The following IQCH variants were observed in gnomAD, a reference collection of about 807,000 sequenced individuals.
IQCH encodes the protein IQ motif containing H, also known as IQ domain-containing protein H.
In IQCH, 98 loss-of-function variants were observed where a neutral mutation model predicts 117.0. The ratio of observed to expected loss-of-function variants is 0.84; its 90% CI spans 0.71 to 0.99. IQCH has a LOEUF of 0.99. Ranked by LOEUF, IQCH falls within the 50% of genes least tolerant of loss-of-function variation. The pLI is 0.00. For missense variants in IQCH, 1,102 were observed against 1,243.8 expected, an observed-to-expected ratio of 0.89 and a Z score of 1.72; for synonymous variants, 412 against 448.2, an observed-to-expected ratio of 0.92 and a Z score of 1.02.
rs1016371430 is a variant in IQCH, at chr15:67,445,341, TATAA to T, written c.2506-19775_2506-19772del. 6.6e-6 allele frequency among the ~76,000 whole-genome samples: 1 copy of T among 152,230 alleles called. No homozygotes were observed. The highest frequency in any genetic ancestry group is 2.4e-5 in the African/African-American group (1 of 41,462). ...TGTGTCCCCTATTGTTCTGAGCCCT[TATAA>T]ATAAATAAATGAAATTGCTTCTTTT... On this transcript the variant is annotated intron_variant, in intron 16 of 20. Coordinates refer to ENST00000335894, the MANE Select transcript of IQCH (RefSeq NM_001031715.3). The surrounding 1 kb of genome is among the most constrained non-coding windows in gnomAD (Gnocchi z 4.3).
chr15:67,382,509 T>A (rs1970967167), intron 10 of IQCH, among the ~76,000 whole-genome samples: 2 of 152,238 alleles, frequency 1.3e-5, no homozygotes, highest in African/African-American at 2.4e-5. Context: ...GAAGGGCCAT[T>A]ATTCTGCCTA....
Position 67,494,378 on chromosome 15 carries a change from A to T in IQCH, c.2970+12A>T. 1 of 1,558,488 alleles carries T rather than the reference A, an allele frequency of 6.4e-7. No homozygotes were observed. Among genetic ancestry groups the T allele is most frequent in the Non-Finnish European group, 8.8e-7 (1 of 1,132,860 alleles). On this transcript the variant is annotated intron_variant, in intron 20 of 20. Transcript: ENST00000335894. This position sits in a 1 kb window ranked among gnomAD's most constrained non-coding sequence, Gnocchi z 5.5. ...AGACCAATTTTAAGGTGAGGTGTTA[A>T]TTAACTAACGATTCTGGTTAATTTC...
Position 67,417,945 on chromosome 15 carries a change from G to A in IQCH, c.2218+894G>A, listed in dbSNP as rs910041358. On this transcript the variant is annotated intron_variant, in intron 15 of 20. Coordinates refer to ENST00000335894, the MANE Select transcript of IQCH (RefSeq NM_001031715.3). The surrounding 1 kb of genome is among the most constrained non-coding windows in gnomAD (Gnocchi z 4.3). ...TCAGATGATAACAGCAGCAGCAATA[G>A]CACAGTGATGATAATAATAGTGAGC... Among the ~76,000 whole-genome samples the A allele has an allele frequency of 6.6e-6, 1 of 152,184 alleles. No individual in the cohort carries two copies. Among genetic ancestry groups the A allele is most frequent in the African/African-American group, 2.4e-5 (1 of 41,438 alleles).
At position 67,346,319 on chromosome 15, in the gene IQCH, C is replaced by A. The variant is rs577245293; in HGVS notation, c.637+2128C>A. Among the ~76,000 whole-genome samples, 143 of 152,036 alleles carry A rather than the reference C, an allele frequency of 9.4e-4. 1 individual carries two copies. Among genetic ancestry groups the A allele is most frequent in the Non-Finnish European group, 1.6e-3 (106 of 67,980 alleles). On this transcript the variant is annotated intron_variant, in intron 6 of 20. Coordinates refer to ENST00000335894, the MANE Select transcript of IQCH (RefSeq NM_001031715.3). ...AATCAATAGAACTAGTAACCCCCCCCCAAAAAAATACTATAGAACAGTGGT... is the reference window on the plus strand; with the variant it reads ...AATCAATAGAACTAGTAACCCCCCCACAAAAAAATACTATAGAACAGTGGT...
chr15:67,439,749 G>C (rs1567190143), intron 16 of IQCH, among the ~76,000 whole-genome samples: 1 of 151,920 alleles, frequency 6.6e-6, no homozygotes, highest in Non-Finnish European at 1.5e-5. Flanking sequence ...ATAGCTGGGC[G>C]TGATGATGCA....
intron 8 of IQCH, among the ~76,000 whole-genome samples, chr15:67,368,808 TGAAAA>T (rs1970422296): frequency 6.6e-6 from 1 of 152,184 alleles, no homozygotes; most frequent in Non-Finnish European, 1.5e-5. Context: ...TCCACATACA[TGAAAA>T]GAACATTTTT....
At chr15:67,358,175 T>TTTTTTTTAACC (rs61424429) in intron 7 of IQCH, among the ~76,000 whole-genome samples, 1 of 76,260 alleles carries the variant, frequency 1.3e-5, no homozygotes, top group Non-Finnish European at 2.5e-5. Flanking sequence ...TTTTTTTTTT[T>TTTTTTTTAACC]CTTTTTTAAC....
chr15:67,372,655 G>C lies in IQCH; in HGVS notation c.1298G>C (p.Arg433Pro). The change falls in exon 9 of 21, where the codon CGA (arginine) becomes CCA (proline). Residue 433 changes from arginine to proline, a missense_variant. By Grantham distance (103) the Arg-to-Pro change is moderately radical. This residue lies in a region of IQCH where 650 missense variants were observed against 794.3 expected (regional missense o/e 0.82). Transcript: ENST00000335894. The part of the protein sequence containing the change: ...RQRHLENFRI[R>P]AKHLAANWNR... ...AGACACCTGGAGAATTTTCGCATTC[G>C]AGCCAAGGTGCACAAGGCTGCCAGC... The C allele has an allele frequency of 6.2e-7, 1 of 1,602,146 alleles. No individual in the cohort carries two copies. Among genetic ancestry groups the C allele is most frequent in the Non-Finnish European group, 8.5e-7 (1 of 1,173,700 alleles).
chr15:67,284,524 T>C lies in IQCH; in HGVS notation c.387+5012T>C, dbSNP rs141803988. 7.0e-4 allele frequency among the ~76,000 whole-genome samples: 107 copies of C among 152,274 alleles called. 1 individual carries two copies. Among genetic ancestry groups the C allele is most frequent in the Admixed American group, 4.4e-3 (67 of 15,278 alleles). ...GATTTGTTACATAGGTAAACTTGTG[T>C]CATGGGGATTTGTTGTGCAGATTAT... On this transcript the variant is annotated intron_variant, in intron 4 of 20. Coordinates refer to ENST00000335894, the MANE Select transcript of IQCH (RefSeq NM_001031715.3).
chr15:67,254,997 C>T (rs371799427), intron 1 of IQCH, 50 bp downstream of exon 1: 25 of 1,562,774 alleles, frequency 1.6e-5, no homozygotes, highest in Middle Eastern at 3.3e-4. Context: ...GCGCCACTTC[C>T]GAGCGAGGTC....
At chr15:67,344,947 GTGACA>G (rs1969322417) in intron 6 of IQCH, among the ~76,000 whole-genome samples, 1 of 152,120 alleles carries the variant, frequency 6.6e-6, no homozygotes, top group South Asian at 2.1e-4. Flanking sequence ...AGGGTGAGAA[GTGACA>G]AATCTTTCTA....
At chr15:67,256,478 A>G (rs1478832482) in intron 1 of IQCH, among the ~76,000 whole-genome samples, 1 of 152,138 alleles carries the variant, frequency 6.6e-6, no homozygotes, top group East Asian at 1.9e-4. Flanking sequence ...CAAAACACCC[A>G]TTATAAATCA....
chr15:67,261,478 T>C, intron 2 of IQCH, 84 bp downstream of exon 2: 2 of 1,174,744 alleles, frequency 1.7e-6, no homozygotes, highest in Non-Finnish European at 2.4e-6. Context: ...CATAGAGTCC[T>C]GCATAATTCT....
chr15:67,379,493 T>C (rs1300953831), intron 10 of IQCH, among the ~76,000 whole-genome samples: 1 of 152,186 alleles, frequency 6.6e-6, no homozygotes, highest in African/African-American at 2.4e-5. Context: ...CAGTATCCCC[T>C]TGGGTTCCCA....
intron 16 of IQCH, among the ~76,000 whole-genome samples, chr15:67,460,206 T>G (rs1254454348): frequency 6.6e-6 from 1 of 152,200 alleles, no homozygotes; most frequent in Non-Finnish European, 1.5e-5. Flanking sequence ...TTTCAAGTGC[T>G]CAATAGCCAC....
chr15:67,498,523 G>A (rs531320151), intron 20 of IQCH, among the ~76,000 whole-genome samples: 1 of 151,976 alleles, frequency 6.6e-6, no homozygotes, highest in African/African-American at 2.4e-5. Flanking sequence ...GGCTGAGGCA[G>A]GAGAATCACT....
At chr15:67,293,389 C>G (rs1314754465) in intron 4 of IQCH, among the ~76,000 whole-genome samples, 1 of 152,118 alleles carries the variant, frequency 6.6e-6, no homozygotes, top group Non-Finnish European at 1.5e-5. Context: ...ATACTAAAAT[C>G]TGTGTATGCT....
Position 67,384,798 on chromosome 15 carries a change from G to T in IQCH, c.1373-138G>T, listed in dbSNP as rs1010155454. The T allele has an allele frequency of 1.4e-5, 9 of 621,664 alleles. No individual in the cohort carries two copies. The highest frequency in any genetic ancestry group is 2.7e-5 in the Non-Finnish European group (9 of 336,736). 38.5% of individuals were successfully genotyped at this position (621,664 alleles called of 1,614,324 possible). On this transcript the variant is annotated intron_variant, in intron 10 of 20. Transcript: ENST00000335894. The surrounding 1 kb of genome is among the most constrained non-coding windows in gnomAD (Gnocchi z 4.3). ...GAGAAACAAGCACCTCATTCTTCGG[G>T]ATTGGGTTGTTTCTGTAAGATGCTT...
At chr15:67,301,787 A>G (rs1030328949) in intron 4 of IQCH, among the ~76,000 whole-genome samples, 2 of 152,148 alleles carry the variant, frequency 1.3e-5, no homozygotes, top group African/African-American at 4.8e-5. Context: ...TGTGCTACAT[A>G]TTACTATTTT....
Sources: gnomAD v4.1 joint callset for allele counts (sites outside exome capture counted in the v4.1 genomes callset) on GRCh38, gnomAD v4.1.1 for gene constraint, gnomAD v4.1.1 regional missense constraint, Gnocchi (gnomAD v3.1) non-coding constraint, MANE v1.5 for transcripts, NCBI Gene and HGNC (gene_info 2026-07-23, HGNC 2026-07-21) for gene names.